PLXNA2: variants seen among roughly 807,000 people sequenced by gnomAD.
The protein encoded by PLXNA2 is plexin A2, also known as plexin-A2.
Under a neutral mutation model 193.5 loss-of-function variants are expected in PLXNA2, and 91 were observed. The observed-to-expected ratio is 0.47, with a 90% CI of 0.40 to 0.56. The LOEUF (loss-of-function observed/expected upper bound fraction) is 0.56, where lower values mean the gene tolerates loss of function less well. Among genes scored for constraint, PLXNA2 ranks in the 20% least tolerant of loss-of-function variants. The pLI, the probability that PLXNA2 is intolerant of heterozygous loss-of-function variation, is 0.00. For missense variants in PLXNA2, 1,995 were observed against 2,503.2 expected, an observed-to-expected ratio of 0.80 and a Z score of 4.33; for synonymous variants, 997 against 1,027.3, an observed-to-expected ratio of 0.97 and a Z score of 0.56.
intron 4 of PLXNA2, among the ~76,000 whole-genome samples, chr1:208,121,984 A>G (rs1477651309): frequency 6.6e-6 from 1 of 152,046 alleles, no homozygotes; most frequent in Non-Finnish European, 1.5e-5. Flanking sequence ...CACCACACTC[A>G]TCTCCCCTCA....
intron 3 of PLXNA2, among the ~76,000 whole-genome samples, chr1:208,206,204 G>C (rs560767167): frequency 6.6e-6 from 1 of 152,142 alleles, no homozygotes; most frequent in Admixed American, 6.5e-5. Context: ...TTCCCACATC[G>C]ATCCAGCTCT....
intron 12 of PLXNA2, among the ~76,000 whole-genome samples, chr1:208,076,220 A>C (rs536587206): frequency 6.6e-6 from 1 of 152,078 alleles, no homozygotes; most frequent in South Asian, 2.1e-4. Flanking sequence ...GGCATGCACC[A>C]CTACACCCAG....
rs542552038 is a variant in PLXNA2, at chr1:208,218,737, C to T, written c.-80-735G>A. 1.1e-4 allele frequency among the ~76,000 whole-genome samples: 16 copies of T among 152,308 alleles called. No homozygotes were observed. The South Asian group carries it at 1.9e-3, about 18-fold the overall frequency. ...ATTCCCACATGTGCCATTCCGGAGCCGGAAAAGCCCTCGGGAGACAGGCAG... is the reference window on the plus strand; with the variant it reads ...ATTCCCACATGTGCCATTCCGGAGCTGGAAAAGCCCTCGGGAGACAGGCAG... On this transcript the variant is annotated intron_variant, in intron 1 of 31. Coordinates refer to ENST00000367033, the MANE Select transcript of PLXNA2 (RefSeq NM_025179.4).
chr1:208,155,046 A>G (rs662868), intron 3 of PLXNA2, among the ~76,000 whole-genome samples: 48,349 of 152,126 alleles, frequency 0.32, 8,158 homozygotes, highest in Middle Eastern at 0.39. Context: ...GGGGGAAATT[A>G]GTACCTCCTC....
intron 3 of PLXNA2, among the ~76,000 whole-genome samples, chr1:208,206,822 G>A (rs969993556): frequency 2.1e-5 from 3 of 144,104 alleles, no homozygotes; most frequent in African/African-American, 7.8e-5. Context: ...CCAGGCTAGT[G>A]GCGCGATCTG....
At position 208,082,475 on chromosome 1, in the gene PLXNA2, C is replaced by T. The variant is rs1295692522; in HGVS notation, c.2332G>A (p.Ala778Thr). The T allele has an allele frequency of 6.2e-7, 1 of 1,614,048 alleles. No individual in the cohort carries two copies. Among genetic ancestry groups the T allele is most frequent in the Admixed American group, 1.7e-5 (1 of 60,026 alleles). Residue 778 changes from alanine (A) to threonine (T), a missense_variant, in exon 11 of 32, where the codon GCC becomes ACC. Coordinates refer to ENST00000367033, the MANE Select transcript of PLXNA2 (RefSeq NM_025179.4). This position sits in a 1 kb window ranked among gnomAD's most constrained non-coding sequence, Gnocchi z 4.2. ...TTCCACACCACAGCGAAATCCACGG[C>T]CAGATTGCTGATGTCCATGCCATCA... ...QYDGMDISNLAVDFAVVWNGN... is the reference protein window; with the variant it reads ...QYDGMDISNLTVDFAVVWNGN...
At chr1:208,206,513 T>G (rs1211735311) in intron 3 of PLXNA2, among the ~76,000 whole-genome samples, 2 of 152,220 alleles carry the variant, frequency 1.3e-5, no homozygotes. Flanking sequence ...GCATATGCTT[T>G]GTACCTTCTC....
At chr1:208,031,838 A>T in intron 28 of PLXNA2, 79 bp from the exon 29 acceptor site, 1 of 1,326,054 alleles carries the variant, frequency 7.5e-7, no homozygotes, top group Non-Finnish European at 1.0e-6. Context: ...GGTGCCTTGG[A>T]CCCATCCTGC....
chr1:208,085,624 T>A (rs1666493041), intron 9 of PLXNA2, among the ~76,000 whole-genome samples: 1 of 152,264 alleles, frequency 6.6e-6, no homozygotes, highest in African/African-American at 2.4e-5. Flanking sequence ...CCTTGTGCAA[T>A]GCCGGCACAG....
At chr1:208,176,169 G>A (rs1322652550) in intron 3 of PLXNA2, among the ~76,000 whole-genome samples, 1 of 152,238 alleles carries the variant, frequency 6.6e-6, no homozygotes, top group East Asian at 1.9e-4. Flanking sequence ...TTCTAGCACT[G>A]GTTCCCATCA....
chr1:208,044,509 T>A lies in PLXNA2; in HGVS notation c.3873A>T (p.Glu1291Asp), dbSNP rs1198925535. 6.2e-7 allele frequency: 1 copy of A among 1,610,504 alleles called. No individual in the cohort carries two copies. The highest frequency in any genetic ancestry group is 1.1e-5 in the South Asian group (1 of 91,016). ...AAATGAGGGTGTGCTTCCACTAACC[T>A]TCCTTGCACTCCAAGGCCACACGGG... ...LESRVALECK[E>D]AFAELQTDIN... The change falls in exon 20 of 32, where the codon GAA (glutamate) becomes GAT (aspartate). Residue 1291 changes from glutamate (E) to aspartate (D), a missense_variant and splice_region_variant. Physicochemically the swap from Glu to Asp is conservative, Grantham distance 45. This residue lies in a region of PLXNA2 where 1,291 missense variants were observed against 1,673.6 expected (regional missense o/e 0.77). Coordinates refer to ENST00000367033, the MANE Select transcript of PLXNA2 (RefSeq NM_025179.4). This position sits in a 1 kb window ranked among gnomAD's most constrained non-coding sequence, Gnocchi z 4.9.
chr1:208,062,704 T>C lies in PLXNA2; in HGVS notation c.2587-1867A>G, dbSNP rs535193577. On this transcript the variant is annotated intron_variant, in intron 12 of 31. Transcript: ENST00000367033. ...CACATGAAATGAATCAAGGGAGATA[T>C]AGTCAAGGGGGCTCAGAGGTGTCTC... Among the ~76,000 whole-genome samples, 22 of 152,058 alleles carry C rather than the reference T, an allele frequency of 1.4e-4. 1 individual carries two copies. The highest frequency in any genetic ancestry group is 1.1e-3 in the Admixed American group (17 of 15,288).
rs1225787140 is a variant in PLXNA2, at chr1:208,236,238, G to T, written c.-81+7405C>A. Among the ~76,000 whole-genome samples, 1 of 152,142 alleles carries T rather than the reference G, an allele frequency of 6.6e-6. No individual in the cohort carries two copies. The highest frequency in any genetic ancestry group is 2.4e-5 in the African/African-American group (1 of 41,420). Reference sequence around the variant, plus strand: ...GTTCTCAGTGAAATTCAAAAAATTGGCTCTTCTCCTTCAGGTATTTTTGTT... The same window carrying T: ...GTTCTCAGTGAAATTCAAAAAATTGTCTCTTCTCCTTCAGGTATTTTTGTT... On this transcript the variant is annotated intron_variant, in intron 1 of 31. Coordinates refer to ENST00000367033, the MANE Select transcript of PLXNA2 (RefSeq NM_025179.4). The surrounding 1 kb of genome is among the most constrained non-coding windows in gnomAD (Gnocchi z 4.4).
chr1:208,087,730 T>C (rs1293107744), intron 9 of PLXNA2, among the ~76,000 whole-genome samples: 1 of 152,158 alleles, frequency 6.6e-6, no homozygotes, highest in Non-Finnish European at 1.5e-5. Flanking sequence ...AGTATATTCA[T>C]GAAGGATCTG....
chr1:208,188,722 A>G (rs1325793346), intron 3 of PLXNA2, among the ~76,000 whole-genome samples: 1 of 151,978 alleles, frequency 6.6e-6, no homozygotes, highest in Non-Finnish European at 1.5e-5. Flanking sequence ...AAAAAAAAAA[A>G]AAAAGAAAAA....
intron 1 of PLXNA2, among the ~76,000 whole-genome samples, chr1:208,226,586 A>G (rs1386844780): frequency 6.6e-6 from 1 of 152,138 alleles, no homozygotes; most frequent in African/African-American, 2.4e-5. Flanking sequence ...TCAAAACAAG[A>G]TTCATTACCC....
intron 13 of PLXNA2, 83 bp from the exon 14 acceptor site, chr1:208,054,621 G>T: frequency 1.1e-6 from 1 of 922,260 alleles, no homozygotes; most frequent in South Asian, 1.4e-5. Context: ...CATGGCAAAT[G>T]ACTCATCACA....
At chr1:208,206,409 C>T (rs1366540115) in intron 3 of PLXNA2, among the ~76,000 whole-genome samples, 3 of 152,222 alleles carry the variant, frequency 2.0e-5, no homozygotes, top group Admixed American at 6.5e-5. Flanking sequence ...ATCCTTTTCA[C>T]TTGATCTCCT....
intron 4 of PLXNA2, among the ~76,000 whole-genome samples, chr1:208,126,483 G>C (rs1207981599): frequency 1.3e-5 from 2 of 152,178 alleles, no homozygotes; most frequent in Non-Finnish European, 2.9e-5. Context: ...TTTTTAAAAA[G>C]ATGTTCAATT....
Sources: gnomAD v4.1 joint callset for allele counts (sites outside exome capture counted in the v4.1 genomes callset) on GRCh38, gnomAD v4.1.1 for gene constraint, gnomAD v4.1.1 regional missense constraint, Gnocchi (gnomAD v3.1) non-coding constraint, MANE v1.5 for transcripts, NCBI Gene and HGNC (gene_info 2026-07-23, HGNC 2026-07-21) for gene names.